Variants in CNTNAP5 observed in about 807,000 individuals in gnomAD.
CNTNAP5 encodes the protein contactin associated protein family member 5.
Under a neutral mutation model 150.2 loss-of-function variants are expected in CNTNAP5, and 72 were observed. The ratio of observed to expected loss-of-function variants is 0.48; its 90% CI spans 0.40 to 0.58. The LOEUF (loss-of-function observed/expected upper bound fraction) is 0.58, where lower values mean the gene tolerates loss of function less well. Among genes scored for constraint, CNTNAP5 ranks in the 20% least tolerant of loss-of-function variants. The pLI, the probability that CNTNAP5 is intolerant of heterozygous loss-of-function variation, is 0.00. For missense variants in CNTNAP5, 1,636 were observed against 1,626.2 expected (o/e 1.01, Z -0.10); for synonymous variants, 672 against 619.8 (o/e 1.08, Z -1.25).
chr2:124,867,203 T>C (rs1243060002), intron 20 of CNTNAP5, among the ~76,000 whole-genome samples: 5 of 152,132 alleles, frequency 3.3e-5, no homozygotes, highest in Non-Finnish European at 7.4e-5. Context: ...AGAACTAATA[T>C]ACAGACAACA....
At chr2:124,758,079 A>G (rs892009748) in intron 14 of CNTNAP5, among the ~76,000 whole-genome samples, 1 of 152,182 alleles carries the variant, frequency 6.6e-6, no homozygotes, top group Admixed American at 6.5e-5. Flanking sequence ...GATCCAGTTT[A>G]TGTCACCAGC....
intron 3 of CNTNAP5, among the ~76,000 whole-genome samples, chr2:124,301,990 C>T (rs1342629833): frequency 6.6e-6 from 1 of 152,102 alleles, no homozygotes; most frequent in Non-Finnish European, 1.5e-5. Flanking sequence ...AGCTCTAATC[C>T]AATAGGACTG....
intron 19 of CNTNAP5, among the ~76,000 whole-genome samples, chr2:124,807,522 G>A (rs1682106542): frequency 6.6e-6 from 1 of 152,138 alleles, no homozygotes; most frequent in Admixed American, 6.5e-5. Flanking sequence ...CAATGACTAT[G>A]GAGTCGGTAC....
intron 21 of CNTNAP5, 33 bp from the exon 22 acceptor site, chr2:124,902,849 G>A: frequency 6.6e-7 from 1 of 1,518,426 alleles, no homozygotes; most frequent in Non-Finnish European, 9.0e-7. Context: ...AACAAAAAAA[G>A]TAAAGGACTT....
intron 1 of CNTNAP5, among the ~76,000 whole-genome samples, chr2:124,082,262 T>C (rs1207474456): frequency 1.4e-5 from 2 of 143,916 alleles, no homozygotes. Context: ...GGCAGGAGAA[T>C]GGCATGAACC....
At chr2:124,696,256 C>A (rs143311641) in intron 13 of CNTNAP5, among the ~76,000 whole-genome samples, 101 of 152,208 alleles carry the variant, frequency 6.6e-4, no homozygotes, top group African/African-American at 2.3e-3. Context: ...AGCAAGAATT[C>A]TTTTGCTGGT....
chr2:124,066,012 G>C (rs1488671513), intron 1 of CNTNAP5, among the ~76,000 whole-genome samples: 3 of 152,178 alleles, frequency 2.0e-5, no homozygotes, highest in East Asian at 3.9e-4. Context: ...TCTCGAGGTA[G>C]AGTATCAGAG....
intron 3 of CNTNAP5, among the ~76,000 whole-genome samples, chr2:124,410,768 G>C (rs976242991): frequency 4.0e-5 from 6 of 150,834 alleles, no homozygotes; most frequent in Non-Finnish European, 7.4e-5. Flanking sequence ...ATGCCCACAA[G>C]AGAAAGCAGG....
Position 124,086,745 on chromosome 2 carries a change from T to C in CNTNAP5, c.82+61013T>C, listed in dbSNP as rs1416490983. On this transcript the variant is annotated intron_variant, in intron 1 of 23. Coordinates refer to ENST00000682447, the MANE Select transcript of CNTNAP5 (RefSeq NM_001367498.1). The stretch of plus-strand genomic sequence containing the variant: ...TTTTGTAAACAACATAGTTGGGTCA[T>C]GGCTTATAATCCTATCTGATAATCC... Among the ~76,000 whole-genome samples, 5 of 151,826 alleles carry C rather than the reference T, an allele frequency of 3.3e-5. No homozygotes were observed. The East Asian group carries it at 9.7e-4, about 29-fold the overall frequency.
At chr2:124,405,059 G>A (rs1337184959) in intron 3 of CNTNAP5, among the ~76,000 whole-genome samples, 2 of 151,966 alleles carry the variant, frequency 1.3e-5, no homozygotes, top group Non-Finnish European at 2.9e-5. Context: ...GGGCGGCTGG[G>A]GAAAAGAGAA....
chr2:124,901,211 G>C (rs1678407517), intron 21 of CNTNAP5, among the ~76,000 whole-genome samples: 1 of 151,500 alleles, frequency 6.6e-6, no homozygotes, highest in Non-Finnish European at 1.5e-5. Context: ...TGAAGTTGTA[G>C]ACAGAATTAT....
Position 124,478,189 on chromosome 2 carries a change from G to A in CNTNAP5, c.1062+3307G>A, listed in dbSNP as rs373457155. 1.3e-3 allele frequency among the ~76,000 whole-genome samples: 202 copies of A among 152,050 alleles called. 1 individual carries two copies. Among genetic ancestry groups the A allele is most frequent in the African/African-American group, 4.6e-3 (193 of 41,516 alleles). ...TTTCTGAATATCAGTAGCTTTCACC[G>A]TTTCGTTTTCTGAGAGAATCATTAT... is the stretch of plus-strand genomic sequence containing the variant. On this transcript the variant is annotated intron_variant, in intron 7 of 23. Transcript: ENST00000682447.
intron 13 of CNTNAP5, among the ~76,000 whole-genome samples, chr2:124,722,727 G>A (rs1400680782): frequency 6.6e-6 from 1 of 152,150 alleles, no homozygotes; most frequent in African/African-American, 2.4e-5. Flanking sequence ...ATTGGAGGCA[G>A]CCTTGACCCC....
At chr2:124,130,473 A>C (rs1295795816) in intron 1 of CNTNAP5, among the ~76,000 whole-genome samples, 3 of 152,074 alleles carry the variant, frequency 2.0e-5, no homozygotes, top group African/African-American at 7.2e-5. Flanking sequence ...TAGCCTATTC[A>C]TGGGCTGACC....
At chr2:124,591,241 C>T (rs993738443) in intron 11 of CNTNAP5, among the ~76,000 whole-genome samples, 2 of 152,064 alleles carry the variant, frequency 1.3e-5, no homozygotes, top group African/African-American at 4.8e-5. Context: ...TTCCTTCACA[C>T]TCCCATCTTC....
rs953641166 is a variant in CNTNAP5 at position 124,615,084 on chromosome 2, C to G, written c.1876+5164C>G. 4.6e-5 allele frequency among the ~76,000 whole-genome samples: 7 copies of G among 152,062 alleles called. No homozygotes were observed. In the East Asian group the frequency reaches 1.3e-3, roughly 29 times the overall value. ...AGCCTTCAGTGAGTCTTAAGAGACC[C>G]CATCATTTTTGCTGGTGGAGGAAAA... On this transcript the variant is annotated intron_variant, in intron 12 of 23. Transcript: ENST00000682447.
At chr2:124,400,685 T>TG (rs5834067) in intron 3 of CNTNAP5, among the ~76,000 whole-genome samples, 22,103 of 140,956 alleles carry the variant, frequency 0.16, 1,843 homozygotes, top group South Asian at 0.26. Flanking sequence ...TTTTTTTTTT[T>TG]TTTGTTTTTT....
At chr2:124,322,027 A>G (rs7605310) in intron 3 of CNTNAP5, among the ~76,000 whole-genome samples, 77,944 of 151,650 alleles carry the variant, frequency 0.51, 21,404 homozygotes, top group African/African-American at 0.7. Flanking sequence ...GCACCCGCCT[A>G]TAATCCCAGC....
At chr2:124,321,707 T>C (rs1467071214) in intron 3 of CNTNAP5, among the ~76,000 whole-genome samples, 1 of 152,174 alleles carries the variant, frequency 6.6e-6, no homozygotes, top group East Asian at 1.9e-4. Flanking sequence ...TAATAGAATG[T>C]CTCCAAGGTT....
Sources: gnomAD v4.1 joint callset for allele counts (sites outside exome capture counted in the v4.1 genomes callset) on GRCh38, gnomAD v4.1.1 for gene constraint, MANE v1.5 for transcripts, NCBI Gene and HGNC (gene_info 2026-07-23, HGNC 2026-07-21) for gene names.